The following MDN1 variants were observed in gnomAD, a reference collection of about 807,000 sequenced individuals.
MDN1 encodes midasin.
In MDN1, 266 loss-of-function variants were observed where a neutral mutation model predicts 669.2. The ratio of observed to expected loss-of-function variants is 0.40; its 90% confidence interval spans 0.36 to 0.44. MDN1 has a LOEUF of 0.44. Ranked by LOEUF, MDN1 falls within the 20% of genes least tolerant of loss-of-function variation. The pLI is 1.00. For missense variants in MDN1, 5,940 were observed against 6,754.0 expected (o/e 0.88, Z 4.22); for synonymous variants, 2,385 against 2,457.1 (o/e 0.97, Z 0.87).
intron 14 of MDN1, among the ~76,000 whole-genome samples, chr6:89,772,183 G>T (rs1382569487): frequency 1.3e-5 from 2 of 152,074 alleles, no homozygotes. Flanking sequence ...GAGGTAGGAA[G>T]ATCACTTGAG....
Position 89,714,579 on chromosome 6 carries a change from A to T in MDN1, c.7033T>A (p.Leu2345Met), listed in dbSNP as rs375429424. 1.3e-4 allele frequency: 204 copies of T among 1,613,578 alleles called. 3 individuals carry two copies. In the South Asian group the frequency reaches 1.8e-3, roughly 14 times the overall value. ...LVGNSVCDILLALHTETRSTV... is the reference protein window; with the variant it reads ...LVGNSVCDILMALHTETRSTV... ...CTCCGGGTCTCTGTGTGTAAAGCCA[A>T]GAGGATGTCACATACACTGTTCCCC... Residue 2345 changes from leucine (L) to methionine (M), a missense_variant, in exon 46 of 102, where the codon TTG becomes ATG. Transcript: ENST00000369393.
At chr6:89,722,603 C>A (rs1387208710) in intron 40 of MDN1, among the ~76,000 whole-genome samples, 3 of 152,092 alleles carry the variant, frequency 2.0e-5, no homozygotes, top group Non-Finnish European at 2.9e-5. Context: ...AATCCCAGCA[C>A]TTTGGGAGGC....
chr6:89,704,013 C>CA lies in MDN1; in HGVS notation c.8149-1953dup, dbSNP rs60168431. On this transcript the variant is annotated intron_variant, in intron 53 of 101. Transcript: ENST00000369393. ...GGGCAACAAGAGAGAAACTCCGTCT[C>CA]AAAAAAAAAAAAAAAAAAAATTGAG... Among the ~76,000 whole-genome samples the CA allele has an allele frequency of 4.6e-3, 482 of 103,982 alleles. 3 individuals are homozygous for CA. Among genetic ancestry groups the CA allele is most frequent in the Middle Eastern group, 0.025 (5 of 202 alleles). The allele number at this position is 103,982 out of a possible 152,430, so 68.2% of individuals were successfully genotyped here.
At chr6:89,766,496 T>A (rs1251062267) in intron 15 of MDN1, among the ~76,000 whole-genome samples, 5 of 152,148 alleles carry the variant, frequency 3.3e-5, no homozygotes, top group African/African-American at 4.8e-5. Flanking sequence ...ACTGAGGATA[T>A]AAACTACAAA....
At chr6:89,724,193 T>C (rs892437429) in intron 38 of MDN1, among the ~76,000 whole-genome samples, 1 of 152,160 alleles carries the variant, frequency 6.6e-6, no homozygotes, top group African/African-American at 2.4e-5. Context: ...CTATGTATAA[T>C]GTAAAATGCT....
intron 8 of MDN1, among the ~76,000 whole-genome samples, chr6:89,787,588 C>T (rs779670947): frequency 1.5e-4 from 23 of 152,088 alleles, no homozygotes; most frequent in Admixed American, 6.6e-4. Context: ...TAACAATAAC[C>T]TCACCTCTGA....
chr6:89,728,744 T>TTG (rs2128314657), intron 36 of MDN1, among the ~76,000 whole-genome samples, 187 bp downstream of exon 36: 1 of 151,840 alleles, frequency 6.6e-6, no homozygotes, highest in African/African-American at 2.4e-5. Flanking sequence ...GGCAGGAGAA[T>TTG]TGCACCCCAC....
intron 67 of MDN1, 139 bp downstream of exon 67, chr6:89,687,939 C>T: frequency 2.6e-6 from 2 of 780,626 alleles, no homozygotes; most frequent in Non-Finnish European, 4.4e-6. Context: ...AATGATCTCA[C>T]CCCATGCCAG....
At position 89,672,545 on chromosome 6, in the gene MDN1, A is replaced by C; in HGVS notation, c.13630+2T>G. On this transcript the variant is annotated splice_donor_variant, in intron 81 of 101. Coordinates refer to ENST00000369393, the MANE Select transcript of MDN1 (RefSeq NM_014611.3). LOFTEE classifies it high-confidence loss of function. ...CTAATTTCTGCCTGATTTCAGACAT[A>C]CCATAATCTTCTTGTGGGCTTGCTT... 4 of 1,609,910 alleles carry C rather than the reference A, an allele frequency of 2.5e-6. No individual in the cohort carries two copies. Among genetic ancestry groups the C allele is most frequent in the Non-Finnish European group, 3.4e-6 (4 of 1,178,794 alleles).
rs2128308346 is a variant in MDN1, at chr6:89,693,048, G to C, written c.9982C>G (p.Gln3328Glu). The C allele has an allele frequency of 6.2e-7, 1 of 1,614,198 alleles. No individual in the cohort carries two copies. The highest frequency in any genetic ancestry group is 8.5e-7 in the Non-Finnish European group (1 of 1,180,036). ...CTGGTGACGTAGTGGTGGATCTCCT[G>C]AACCAGGGACTCGTAGGCAGGCAGC... is the stretch of plus-strand genomic sequence containing the variant. ...PQLPAYESLV[Q>E]EIHHYVTSIA... Residue 3328 changes from glutamine to glutamate, a missense_variant, in exon 63 of 102, where the codon CAG (glutamine) becomes GAG (glutamate). By Grantham distance (29) the Gln-to-Glu change is conservative (BLOSUM62 2). Coordinates refer to ENST00000369393, the MANE Select transcript of MDN1 (RefSeq NM_014611.3).
chr6:89,748,282 C>T (rs1236114253), intron 26 of MDN1, among the ~76,000 whole-genome samples: 2 of 152,118 alleles, frequency 1.3e-5, no homozygotes, highest in African/African-American at 4.8e-5. Flanking sequence ...GCTGAGATAG[C>T]GCCACTGCAC....
At chr6:89,729,856 T>G (rs1242956451) in intron 35 of MDN1, among the ~76,000 whole-genome samples, 1 of 151,960 alleles carries the variant, frequency 6.6e-6, no homozygotes, top group Middle Eastern at 3.2e-3. Context: ...ATTTGATGGT[T>G]AGATTATACA....
At chr6:89,717,483 C>T (rs146053970) in intron 43 of MDN1, among the ~76,000 whole-genome samples, 210 of 152,198 alleles carry the variant, frequency 1.4e-3, no homozygotes, top group African/African-American at 4.9e-3. Flanking sequence ...GATAATCCTT[C>T]CTATAATGCA....
At chr6:89,755,427 A>T (rs1817198207) in intron 20 of MDN1, among the ~76,000 whole-genome samples, 1 of 151,134 alleles carries the variant, frequency 6.6e-6, no homozygotes, top group African/African-American at 2.4e-5. Context: ...ATTTTCTTAC[A>T]CCCTACTCAG....
At chr6:89,704,082 T>TA (rs1813361047) in intron 53 of MDN1, among the ~76,000 whole-genome samples, 1 of 151,724 alleles carries the variant, frequency 6.6e-6, no homozygotes, top group Admixed American at 6.6e-5. Context: ...AAGCAAAACT[T>TA]AGAATTCTGA....
chr6:89,722,954 C>T lies in MDN1; in HGVS notation c.5967+1G>A. 6.2e-7 allele frequency: 1 copy of T among 1,606,288 alleles called. No individual in the cohort carries two copies. The highest frequency in any genetic ancestry group is 8.5e-7 in the Non-Finnish European group (1 of 1,176,158). On this transcript the variant is annotated splice_donor_variant, in intron 40 of 101. Coordinates refer to ENST00000369393, the MANE Select transcript of MDN1 (RefSeq NM_014611.3). LOFTEE classifies it high-confidence loss of function. Reference sequence around the variant, plus strand: ...ATACAAATACCAAGCGTGAAACTCACCTTTTTTTTGTCCTCTTCGGTTCTC... The same window carrying T: ...ATACAAATACCAAGCGTGAAACTCATCTTTTTTTTGTCCTCTTCGGTTCTC...
chr6:89,646,492 G>C (rs888670914), intron 100 of MDN1, 48 bp downstream of exon 100: 1 of 1,521,376 alleles, frequency 6.6e-7, no homozygotes, highest in Non-Finnish European at 9.1e-7. Flanking sequence ...TGGGAATATA[G>C]AGTACAAGAA....
At chr6:89,738,500 G>A in intron 32 of MDN1, 45 bp from the exon 33 acceptor site, 1 of 1,602,752 alleles carries the variant, frequency 6.2e-7, no homozygotes, top group Non-Finnish European at 8.5e-7. Flanking sequence ...AAAACTGTAA[G>A]GAAAGCTGGA....
chr6:89,767,651 G>A (rs1395336732), intron 15 of MDN1, among the ~76,000 whole-genome samples: 1 of 152,186 alleles, frequency 6.6e-6, no homozygotes, highest in Non-Finnish European at 1.5e-5. Flanking sequence ...AGCTACTCGG[G>A]AGGCTGAGGC....
Sources: gnomAD v4.1 joint callset for allele counts (sites outside exome capture counted in the v4.1 genomes callset) on GRCh38, gnomAD v4.1.1 for gene constraint, MANE v1.5 for transcripts, NCBI Gene and HGNC (gene_info 2026-07-23, HGNC 2026-07-21) for gene names.